Variants in ARHGEF4 observed in about 807,000 individuals in gnomAD.
ARHGEF4 encodes Rho guanine nucleotide exchange factor 4, also known as APC-stimulated guanine nucleotide exchange factor 1.
ARHGEF4 carries 119 observed loss-of-function variants against 162.0 expected under a neutral mutation model. The ratio of observed to expected loss-of-function variants is 0.73; its 90% confidence interval spans 0.63 to 0.86. The LOEUF is 0.86. Ranked by LOEUF, ARHGEF4 falls within the 40% of genes least tolerant of loss-of-function variation. The pLI is 0.00. For synonymous variants in ARHGEF4, 1,014 were observed against 979.9 expected (o/e 1.03, Z -0.65); for missense variants, 2,488 against 2,456.0 (o/e 1.01, Z -0.28).
intron 1 of ARHGEF4, among the ~76,000 whole-genome samples, chr2:130,854,287 T>A (rs760897302): frequency 2.0e-5 from 3 of 152,188 alleles, no homozygotes; most frequent in Non-Finnish European, 2.9e-5. Flanking sequence ...CTGGAGCTCA[T>A]GCTTTGGCAG....
chr2:131,005,845 A>C (rs1237298011), intron 4 of ARHGEF4, among the ~76,000 whole-genome samples: 1 of 152,178 alleles, frequency 6.6e-6, no homozygotes. Flanking sequence ...GGATGCTCCC[A>C]AAACCTCTGC....
intron 4 of ARHGEF4, among the ~76,000 whole-genome samples, chr2:130,952,153 G>T (rs369631299): frequency 2.0e-5 from 3 of 152,130 alleles, no homozygotes; most frequent in East Asian, 3.9e-4. Context: ...ATCATCTGGG[G>T]TCACTTGCTT....
chr2:130,958,859 C>T (rs1684455279), intron 4 of ARHGEF4, among the ~76,000 whole-genome samples: 1 of 152,016 alleles, frequency 6.6e-6, no homozygotes, highest in African/African-American at 2.4e-5. Flanking sequence ...ATCTCATTTT[C>T]TCTAGTATTG....
chr2:130,991,982 C>T (rs191144065), intron 4 of ARHGEF4, among the ~76,000 whole-genome samples: 1 of 152,302 alleles, frequency 6.6e-6, no homozygotes, highest in South Asian at 2.1e-4. Context: ...CACTCTGTAT[C>T]TAGCTCAAGG....
intron 1 of ARHGEF4, among the ~76,000 whole-genome samples, chr2:130,847,862 T>A (rs1297925635): frequency 6.6e-6 from 1 of 152,168 alleles, no homozygotes; most frequent in Non-Finnish European, 1.5e-5. Context: ...GCCCCTGGCA[T>A]GAGGGCCTGC....
intron 9 of ARHGEF4, 166 bp downstream of exon 9, chr2:131,041,628 A>T: frequency 9.1e-7 from 1 of 1,101,094 alleles, no homozygotes. Context: ...GGATGCCAAC[A>T]GGATATTAAG....
Position 130,915,331 on chromosome 2 carries a change from C to T in ARHGEF4, c.1385C>T (p.Ser462Leu). 2 of 1,550,638 alleles carry T rather than the reference C, an allele frequency of 1.3e-6. No homozygotes were observed. Among genetic ancestry groups the T allele is most frequent in the Non-Finnish European group, 1.7e-6 (2 of 1,147,036 alleles). ...GTGCCTGAGCCCGCTGAGTGCAAGT[C>T]AGAGCAAAGCCCAGAAAGCAGAACC... ...EEVPEPAECK[S>L]EQSPESRTQE... The change falls in exon 2 of 14, where the codon TCA (serine) becomes TTA (leucine). Residue 462 changes from serine to leucine, a missense_variant. Transcript: ENST00000409359.
rs758202889 is a variant in ARHGEF4 at position 131,043,494 on chromosome 2, G to C, written c.5068G>C (p.Gly1690Arg). 1.9e-6 allele frequency: 3 copies of C among 1,614,088 alleles called. No individual in the cohort carries two copies. The highest frequency in any genetic ancestry group is 2.5e-6 in the Non-Finnish European group (3 of 1,180,024). ...CAGGAGCTCAGAACTCATCTACTCG[G>C]GGGAGCTGACTCGAGTTACACAGCC... is the stretch of plus-strand genomic sequence containing the variant. The part of the protein sequence containing the change: ...LVRSSELIYS[G>R]ELTRVTQPQA... Residue 1690 changes from glycine (G) to arginine (R), a missense_variant, in exon 11 of 14, where the codon GGG becomes CGG. Physicochemically the swap from Gly to Arg is moderately radical, Grantham distance 125 (BLOSUM62 -2). Around this residue, in one of 6 missense-constraint regions of ARHGEF4, gnomAD observed 415 missense variants for 512.4 expected, o/e 0.81. Transcript: ENST00000409359.
At chr2:130,920,034 G>A (rs916592187) in intron 2 of ARHGEF4, among the ~76,000 whole-genome samples, 2 of 152,158 alleles carry the variant, frequency 1.3e-5, no homozygotes, top group African/African-American at 4.8e-5. Flanking sequence ...CAGGTGCTTT[G>A]GGCCTCAGGC....
At chr2:131,042,271 G>C (rs1161851010) in intron 10 of ARHGEF4, among the ~76,000 whole-genome samples, 1 of 152,246 alleles carries the variant, frequency 6.6e-6, no homozygotes, top group Non-Finnish European at 1.5e-5. Flanking sequence ...GGACAGGCCA[G>C]ATCCCTGTTT....
At chr2:130,882,105 G>A (rs1456395713) in intron 1 of ARHGEF4, among the ~76,000 whole-genome samples, 6 of 152,128 alleles carry the variant, frequency 3.9e-5, no homozygotes, top group African/African-American at 7.3e-5. Context: ...CCCCAAGCCC[G>A]CTTTCCCAAT....
chr2:131,040,191 AG>A lies in ARHGEF4; in HGVS notation c.4482+1del. ...DYIKHLRDIC[E>X]GYVRQCRKRA... ...ATCAAGCACCTGCGCGACATCTGCGAGGTGAGGCCCGGCCGGCGGGCGGTGA... is the reference window on the plus strand; with the variant it reads ...ATCAAGCACCTGCGCGACATCTGCGAGTGAGGCCCGGCCGGCGGGCGGTGA... On this transcript the variant is annotated frameshift_variant and splice_region_variant, in exon 7 of 14. Coordinates refer to ENST00000409359, the MANE Select transcript of ARHGEF4 (RefSeq NM_001367493.1). LOFTEE classifies it high-confidence loss of function. 1 of 1,609,936 alleles carries A rather than the reference AG, an allele frequency of 6.2e-7. No individual in the cohort carries two copies. The highest frequency in any genetic ancestry group is 8.5e-7 in the Non-Finnish European group (1 of 1,177,456).
intron 3 of ARHGEF4, among the ~76,000 whole-genome samples, chr2:130,935,709 C>T (rs1462781355): frequency 1.3e-5 from 2 of 152,156 alleles, no homozygotes; most frequent in South Asian, 2.1e-4. Context: ...ATTTTCCATT[C>T]TCCTATTGAC....
chr2:131,009,525 G>C (rs532490322), intron 4 of ARHGEF4, among the ~76,000 whole-genome samples: 52 of 152,190 alleles, frequency 3.4e-4, no homozygotes, highest in African/African-American at 9.9e-4. Flanking sequence ...TCACTAAGTT[G>C]CTGTTCATTA....
At chr2:130,851,171 G>A (rs568143520) in intron 1 of ARHGEF4, among the ~76,000 whole-genome samples, 1 of 152,390 alleles carries the variant, frequency 6.6e-6, no homozygotes, top group Admixed American at 6.5e-5. Context: ...GAGAAGGGTG[G>A]TTGGGATAGG....
chr2:130,917,443 A>G lies in ARHGEF4; in HGVS notation c.3497A>G (p.Gln1166Arg). Residue 1166 changes from glutamine to arginine, a missense_variant, in exon 2 of 14, where the codon CAG becomes CGG. Around this residue, in one of 6 missense-constraint regions of ARHGEF4, gnomAD observed 1,642 missense variants for 1,481.5 expected, o/e 1.11. Transcript: ENST00000409359. ...EQKEESREGG[Q>R]GPRGLGTVPW... Reference sequence around the variant, plus strand: ...AAGGAAGAGAGCAGGGAAGGAGGCCAGGGTCCGCGCGGCTTGGGCACAGTG... The same window carrying G: ...AAGGAAGAGAGCAGGGAAGGAGGCCGGGGTCCGCGCGGCTTGGGCACAGTG... 6.4e-7 allele frequency: 1 copy of G among 1,550,632 alleles called. No homozygotes were observed. Among genetic ancestry groups the G allele is most frequent in the Non-Finnish European group, 8.7e-7 (1 of 1,147,014 alleles).
chr2:130,871,014 G>C (rs978743458), intron 1 of ARHGEF4, among the ~76,000 whole-genome samples: 1 of 152,106 alleles, frequency 6.6e-6, no homozygotes, highest in Non-Finnish European at 1.5e-5. Flanking sequence ...GTGCTCAGGG[G>C]CTCCCTAGAA....
chr2:130,973,142 C>T (rs1013973571), intron 4 of ARHGEF4, among the ~76,000 whole-genome samples: 1 of 152,194 alleles, frequency 6.6e-6, no homozygotes, highest in Admixed American at 6.5e-5. Flanking sequence ...AACTGCTGGC[C>T]TACAGGAAGG....
At chr2:130,839,522 G>T (rs1680456642) in intron 1 of ARHGEF4, among the ~76,000 whole-genome samples, 1 of 152,174 alleles carries the variant, frequency 6.6e-6, no homozygotes, top group Non-Finnish European at 1.5e-5. Flanking sequence ...ATCTGCTTGG[G>T]CACGTTGGGC....
Sources: allele counts gnomAD v4.1 joint callset (sites outside exome capture counted in the v4.1 genomes callset), GRCh38; gene constraint gnomAD v4.1.1; regional missense constraint gnomAD v4.1.1; transcripts MANE v1.5; gene names NCBI Gene and HGNC (gene_info 2026-07-23, HGNC 2026-07-21).